PTPRT: variants seen among roughly 807,000 people sequenced by gnomAD.
The protein encoded by PTPRT is protein tyrosine phosphatase receptor type T.
PTPRT carries 56 observed loss-of-function variants against 176.8 expected under a neutral mutation model. The ratio of observed to expected loss-of-function variants is 0.32; its 90% confidence interval spans 0.26 to 0.40. PTPRT has a LOEUF of 0.40. Ranked by LOEUF, PTPRT falls within the 10% of genes least tolerant of loss-of-function variation. The pLI is 1.00. For missense variants in PTPRT, 1,540 were observed against 1,908.2 expected, an observed-to-expected ratio of 0.81 and a Z score of 3.60; for synonymous variants, 783 against 739.0, an observed-to-expected ratio of 1.06 and a Z score of -0.96.
chr20:42,660,308 C>T (rs2075200623), intron 7 of PTPRT, among the ~76,000 whole-genome samples: 1 of 152,166 alleles, frequency 6.6e-6, no homozygotes, highest in African/African-American at 2.4e-5. Flanking sequence ...TTGGGTCAGG[C>T]TCTAAGCTTC....
chr20:42,403,309 C>T (rs2058929499), intron 9 of PTPRT, among the ~76,000 whole-genome samples: 1 of 152,084 alleles, frequency 6.6e-6, no homozygotes, highest in Non-Finnish European at 1.5e-5. Context: ...TCTATTTGTT[C>T]ATATTCCAAT....
intron 13 of PTPRT, among the ~76,000 whole-genome samples, chr20:42,252,970 G>T (rs1430242404): frequency 2.0e-5 from 3 of 152,212 alleles, no homozygotes; most frequent in African/African-American, 7.2e-5. Context: ...ATCCAGCTTT[G>T]CCTTTGGCAC....
intron 5 of PTPRT, among the ~76,000 whole-genome samples, chr20:42,767,857 T>C (rs956189363): frequency 1.7e-4 from 25 of 146,610 alleles, no homozygotes; most frequent in African/African-American, 4.2e-4. Context: ...ATAACATAAT[T>C]TGTTATATGT....
intron 9 of PTPRT, among the ~76,000 whole-genome samples, chr20:42,403,620 A>G (rs2058932083): frequency 6.6e-6 from 1 of 152,180 alleles, no homozygotes; most frequent in African/African-American, 2.4e-5. Context: ...TCCCTTTAAA[A>G]TGCAAGCATC....
intron 7 of PTPRT, among the ~76,000 whole-genome samples, chr20:42,655,993 A>G (rs1166986433): frequency 6.6e-6 from 1 of 152,196 alleles, no homozygotes; most frequent in Non-Finnish European, 1.5e-5. Flanking sequence ...CCTAAGAAAT[A>G]CCATCAAGTG....
At chr20:42,619,300 T>G (rs373532926) in intron 7 of PTPRT, among the ~76,000 whole-genome samples, 1 of 117,848 alleles carries the variant, frequency 8.5e-6, no homozygotes, top group Non-Finnish European at 1.7e-5. Context: ...GGGTTTCTGC[T>G]GAGAGATCCG....
At chr20:42,629,480 G>T (rs1459865094) in intron 7 of PTPRT, among the ~76,000 whole-genome samples, 1 of 152,114 alleles carries the variant, frequency 6.6e-6, no homozygotes. Context: ...AAATGGAAAT[G>T]GAAATTTCTA....
intron 16 of PTPRT, among the ~76,000 whole-genome samples, chr20:42,195,922 G>T (rs923472623): frequency 1.3e-5 from 2 of 152,244 alleles, no homozygotes; most frequent in Admixed American, 6.5e-5. Flanking sequence ...TTTATGGCAA[G>T]TTAAACTATT....
At chr20:42,459,029 CAA>C (rs1352319072) in intron 8 of PTPRT, among the ~76,000 whole-genome samples, 1 of 152,206 alleles carries the variant, frequency 6.6e-6, no homozygotes, top group African/African-American at 2.4e-5. Flanking sequence ...GAAAGAGAGA[CAA>C]AGAGTGTGCT....
intron 9 of PTPRT, among the ~76,000 whole-genome samples, chr20:42,375,072 A>G (rs1289781641): frequency 6.6e-6 from 1 of 152,246 alleles, no homozygotes; most frequent in East Asian, 1.9e-4. Flanking sequence ...AGTTAATCCC[A>G]AAGACTCCAA....
chr20:42,935,235 G>A (rs1980114942), intron 1 of PTPRT, among the ~76,000 whole-genome samples: 2 of 130,126 alleles, frequency 1.5e-5, no homozygotes, highest in African/African-American at 2.9e-5. Context: ...ATATTCCTGG[G>A]CACAAGCAAT....
chr20:42,969,119 C>T (rs1410519478), intron 1 of PTPRT: 2 of 152,184 alleles, frequency 1.3e-5, no homozygotes, highest in African/African-American at 4.8e-5. Context: ...TGGGGTGTCA[C>T]ACGTACACTT....
rs572469595 is a variant in PTPRT at position 42,816,390 on chromosome 20, A to G, written c.215-24924T>C. ...TTGCAATGAAACAATTTACACAGTA[A>G]GAATAATGGAAGAGCTATGTATCCA... On this transcript the variant is annotated intron_variant, in intron 2 of 30. Coordinates refer to ENST00000373187, the MANE Select transcript of PTPRT (RefSeq NM_007050.6). Among the ~76,000 whole-genome samples, 190 of 152,368 alleles carry G rather than the reference A, an allele frequency of 1.2e-3. 1 individual carries two copies. Among genetic ancestry groups the G allele is most frequent in the African/African-American group, 4.4e-3 (182 of 41,594 alleles).
chr20:42,314,940 A>T (rs2057694375), intron 12 of PTPRT, among the ~76,000 whole-genome samples: 1 of 150,780 alleles, frequency 6.6e-6, no homozygotes, highest in Admixed American at 6.6e-5. Flanking sequence ...ATGCCAGTTA[A>T]TTGGTGTTGT....
In PTPRT at chr20:42,142,021, G is replaced by C. The variant is rs367622894; in HGVS notation, c.2683-19C>G. ...GTAAGGCCTAAAAAGCAAGGACAGA[G>C]TGGTTAGAGTGGCCTGAGATAGGAG... is the stretch of plus-strand genomic sequence containing the variant. On this transcript the variant is annotated intron_variant, in intron 17 of 30. Transcript: ENST00000373187. 5.6e-6 allele frequency: 9 copies of C among 1,604,956 alleles called. No homozygotes were observed. In the African/African-American group the frequency reaches 1.2e-4, roughly 21 times the overall value.
chr20:42,493,583 G>A (rs571520253), intron 7 of PTPRT, among the ~76,000 whole-genome samples: 2 of 152,130 alleles, frequency 1.3e-5, no homozygotes, highest in Non-Finnish European at 2.9e-5. Flanking sequence ...GAACTCATTG[G>A]TGAGGTCACC....
intron 9 of PTPRT, among the ~76,000 whole-genome samples, chr20:42,415,040 G>A (rs1023510907): frequency 1.3e-5 from 2 of 152,176 alleles, no homozygotes; most frequent in African/African-American, 2.4e-5. Context: ...AAATACTACA[G>A]AATAGAGTCC....
At chr20:42,404,968 T>G (rs1315408868) in intron 9 of PTPRT, among the ~76,000 whole-genome samples, 1 of 20,062 alleles carries the variant, frequency 5.0e-5, no homozygotes, top group Middle Eastern at 0.028. Flanking sequence ...AGAGGGCCAA[T>G]TAATTATATA....
chr20:43,017,900 TG>T (rs1470338482), intron 1 of PTPRT, among the ~76,000 whole-genome samples: 1 of 152,200 alleles, frequency 6.6e-6, no homozygotes, highest in African/African-American at 2.4e-5. Flanking sequence ...GTGCTGCAGT[TG>T]GGAGGGCTCA....
Sources: allele counts gnomAD v4.1 joint callset (sites outside exome capture counted in the v4.1 genomes callset), GRCh38; gene constraint gnomAD v4.1.1; transcripts MANE v1.5; gene names NCBI Gene and HGNC (gene_info 2026-07-23, HGNC 2026-07-21).